Variants in SOX6 observed in about 807,000 individuals in gnomAD.
SOX6 encodes SRY-box transcription factor 6.
Under a neutral mutation model 97.8 loss-of-function variants are expected in SOX6, and 11 were observed. The observed-to-expected ratio is 0.11, with a 90% CI of 0.07 to 0.19. The LOEUF (loss-of-function observed/expected upper bound fraction) is 0.19. Among genes scored for constraint, SOX6 ranks in the 10% least tolerant of loss-of-function variants. The pLI is 1.00. For synonymous variants in SOX6, 360 were observed against 371.4 expected, an observed-to-expected ratio of 0.97 and a Z score of 0.35; for missense variants, 810 against 1,039.5, an observed-to-expected ratio of 0.78 and a Z score of 3.04.
chr11:16,465,960 C>G (rs1860022474), intron 1 of SOX6: 1 of 152,134 alleles, frequency 6.6e-6, no homozygotes, highest in African/African-American at 2.4e-5. Flanking sequence ...CTGTGCCAAG[C>G]CTATAGTGCT....
chr11:16,595,087 A>T (rs1238038744), intron 4 of SOX6, among the ~76,000 whole-genome samples: 1 of 152,130 alleles, frequency 6.6e-6, no homozygotes, highest in Non-Finnish European at 1.5e-5. Flanking sequence ...ATTTAATATG[A>T]CTAAGAGGAT....
chr11:15,982,284 T>A (rs182531518), intron 15 of SOX6, among the ~76,000 whole-genome samples: 1 of 152,230 alleles, frequency 6.6e-6, no homozygotes, highest in Admixed American at 6.6e-5. Context: ...CATCTCTGAA[T>A]ATTGCATTTT....
chr11:16,532,121 C>T (rs1861244750), intron 4 of SOX6, among the ~76,000 whole-genome samples: 1 of 151,730 alleles, frequency 6.6e-6, no homozygotes, highest in South Asian at 2.1e-4. Flanking sequence ...ATTATCCATT[C>T]GTAACTAGCA....
chr11:16,242,110 T>G (rs1853211556), intron 3 of SOX6, among the ~76,000 whole-genome samples: 1 of 152,088 alleles, frequency 6.6e-6, no homozygotes, highest in Admixed American at 6.6e-5. Context: ...AAGAGTTAAC[T>G]TGTACTACCA....
intron 10 of SOX6, among the ~76,000 whole-genome samples, chr11:16,050,528 A>G (rs911084105): frequency 1.3e-5 from 2 of 152,172 alleles, no homozygotes; most frequent in Non-Finnish European, 2.9e-5. Context: ...TCATGTTTAA[A>G]ATTAATTTTT....
chr11:16,132,390 G>GAAAA (rs1351876910), intron 6 of SOX6, among the ~76,000 whole-genome samples: 1 of 71,096 alleles, frequency 1.4e-5, no homozygotes, highest in African/African-American at 6.4e-5. Context: ...AAGAAAGAAA[G>GAAAA]AAAGAAAGAA....
chr11:16,124,981 T>C lies in SOX6; in HGVS notation c.778-13058A>G, dbSNP rs149298489. Among the ~76,000 whole-genome samples, 773 of 152,078 alleles carry C rather than the reference T, an allele frequency of 5.1e-3. 2 individuals carry two copies. The highest frequency in any genetic ancestry group is 0.02 in the Middle Eastern group (6 of 294). Reference sequence around the variant, plus strand: ...GCCTATTTCCATCTTATATATCCTCTCCGCTCAAGTAGAAGGAAAACATCT... The same window carrying C: ...GCCTATTTCCATCTTATATATCCTCCCCGCTCAAGTAGAAGGAAAACATCT... On this transcript the variant is annotated intron_variant, in intron 6 of 15. Coordinates refer to ENST00000683767, the MANE Select transcript of SOX6 (RefSeq NM_001367873.1).
intron 15 of SOX6, among the ~76,000 whole-genome samples, chr11:15,976,325 C>A (rs1417501787): frequency 6.6e-6 from 1 of 152,088 alleles, no homozygotes; most frequent in Non-Finnish European, 1.5e-5. Context: ...GCTGTGTGAT[C>A]CTGGGCAGGC....
At chr11:16,176,958 A>G (rs1291819307) in intron 6 of SOX6, among the ~76,000 whole-genome samples, 4 of 151,878 alleles carry the variant, frequency 2.6e-5, no homozygotes, top group African/African-American at 9.7e-5. Flanking sequence ...AAGGCTTTGG[A>G]CTAGATTAAG....
chr11:16,638,991 G>A (rs1402983460), intron 3 of SOX6, among the ~76,000 whole-genome samples: 5 of 152,144 alleles, frequency 3.3e-5, no homozygotes, highest in Admixed American at 6.5e-5. Flanking sequence ...TGAAGTCCTT[G>A]CCCATGCCTA....
At chr11:16,570,898 A>G (rs1847931476) in intron 4 of SOX6, among the ~76,000 whole-genome samples, 1 of 152,216 alleles carries the variant, frequency 6.6e-6, no homozygotes, top group African/African-American at 2.4e-5. Flanking sequence ...AAGGATTGAA[A>G]CAATATTGGT....
chr11:16,042,290 C>G (rs1331679460), intron 12 of SOX6, among the ~76,000 whole-genome samples: 1 of 152,150 alleles, frequency 6.6e-6, no homozygotes, highest in Non-Finnish European at 1.5e-5. Context: ...GTTTCTTTGT[C>G]TATACCAGCA....
chr11:16,474,852 GC>G (rs1395848815), intron 1 of SOX6, among the ~76,000 whole-genome samples: 1 of 152,156 alleles, frequency 6.6e-6, no homozygotes, highest in Non-Finnish European at 1.5e-5. Context: ...GTCCTAGATA[GC>G]ATCTTCTTCC....
intron 2 of SOX6, among the ~76,000 whole-genome samples, chr11:16,320,319 G>A (rs182729344): frequency 6.6e-6 from 1 of 152,132 alleles, no homozygotes; most frequent in East Asian, 1.9e-4. Flanking sequence ...GACAAGCATG[G>A]GGCAAAAGTT....
At chr11:16,671,648 C>T (rs926584440) in intron 3 of SOX6, among the ~76,000 whole-genome samples, 7 of 152,032 alleles carry the variant, frequency 4.6e-5, no homozygotes, top group Non-Finnish European at 7.4e-5. Flanking sequence ...TATGGAGTCA[C>T]GTAAAGAGGC....
chr11:16,076,475 C>T (rs544540047), intron 9 of SOX6, among the ~76,000 whole-genome samples: 2 of 150,184 alleles, frequency 1.3e-5, no homozygotes, highest in Admixed American at 6.6e-5. Flanking sequence ...CAAAAGAAGA[C>T]AGACTCACAG....
At chr11:16,621,687 T>C (rs1224336199) in intron 3 of SOX6, among the ~76,000 whole-genome samples, 4 of 152,136 alleles carry the variant, frequency 2.6e-5, no homozygotes, top group African/African-American at 9.7e-5. Context: ...AACTGCAGAA[T>C]TTTTTTCAGG....
At chr11:16,138,191 T>C (rs540905575) in intron 6 of SOX6, among the ~76,000 whole-genome samples, 2 of 152,220 alleles carry the variant, frequency 1.3e-5, no homozygotes, top group Non-Finnish European at 2.9e-5. Flanking sequence ...ATGAATTACA[T>C]ATTTAATGTC....
At chr11:16,098,419 G>A (rs946639909) in intron 7 of SOX6, among the ~76,000 whole-genome samples, 2 of 151,856 alleles carry the variant, frequency 1.3e-5, no homozygotes, top group African/African-American at 4.8e-5. Context: ...GGTAAAGAGT[G>A]AGTATGGTTC....
Sources: gnomAD v4.1 joint callset for allele counts (sites outside exome capture counted in the v4.1 genomes callset) on GRCh38, gnomAD v4.1.1 for gene constraint, MANE v1.5 for transcripts, NCBI Gene and HGNC (gene_info 2026-07-23, HGNC 2026-07-21) for gene names.